Variants in HADHA observed in about 807,000 individuals in gnomAD.
HADHA encodes hydroxyacyl-CoA dehydrogenase trifunctional multienzyme complex subunit alpha, also known as trifunctional enzyme subunit alpha, mitochondrial.
In HADHA, 59 loss-of-function variants were observed where a neutral mutation model predicts 91.3. The ratio of observed to expected loss-of-function variants is 0.65; its 90% CI spans 0.52 to 0.80. The LOEUF is 0.80. Ranked by LOEUF, HADHA falls within the 30% of genes least tolerant of loss-of-function variation. The pLI is 0.00. For synonymous variants in HADHA, 320 were observed against 338.9 expected (o/e 0.94, Z 0.61); for missense variants, 800 against 927.6 (o/e 0.86, Z 1.79).
intron 12 of HADHA, among the ~76,000 whole-genome samples, chr2:26,201,801 T>C (rs543597084): frequency 6.6e-6 from 1 of 151,400 alleles, no homozygotes; most frequent in Non-Finnish European, 1.5e-5. Flanking sequence ...TTTTTTTTTT[T>C]ATTTATTTTT....
chr2:26,196,662 G>GT (rs1465519644), intron 14 of HADHA, among the ~76,000 whole-genome samples: 1 of 152,134 alleles, frequency 6.6e-6, no homozygotes, highest in Non-Finnish European at 1.5e-5. Flanking sequence ...ACTTTTAAAT[G>GT]AATGACAAAA....
intron 3 of HADHA, among the ~76,000 whole-genome samples, chr2:26,238,425 C>T (rs1208802518): frequency 1.3e-5 from 2 of 152,146 alleles, no homozygotes; most frequent in African/African-American, 4.8e-5. Flanking sequence ...ATTGAAGCTG[C>T]CAAAAACAAA....
At chr2:26,201,433 C>G in intron 12 of HADHA, 113 bp from the exon 13 acceptor site, 2 of 712,758 alleles carry the variant, frequency 2.8e-6, no homozygotes, top group Non-Finnish European at 4.9e-6. Context: ...GGTAGTTATT[C>G]TATTACTCCC....
At chr2:26,193,794 GA>G (rs772853038) in intron 16 of HADHA, 22 bp from the exon 17 acceptor site, 1 of 1,602,400 alleles carries the variant, frequency 6.2e-7, no homozygotes, top group Non-Finnish European at 8.6e-7. Context: ...GCGATGCAGG[GA>G]CCTCAGGGGA....
intron 17 of HADHA, among the ~76,000 whole-genome samples, chr2:26,192,883 G>A (rs2147751142): frequency 6.6e-6 from 1 of 152,348 alleles, no homozygotes; most frequent in East Asian, 1.9e-4. Context: ...AGAGTGGGCA[G>A]AGAAGGAAAG....
rs886055863 is a variant in HADHA, at chr2:26,230,186, A to G, written c.676+6T>C. ...AGGTCTGACTCTGAGATGTGCTAAC[A>G]CTTACCCAGGGGTTCCACCAGTTGG... On this transcript the variant is annotated splice_donor_region_variant and intron_variant, in intron 7 of 19. Coordinates refer to ENST00000380649, the MANE Select transcript of HADHA (RefSeq NM_000182.5). 1 of 1,549,576 alleles carries G rather than the reference A, an allele frequency of 6.5e-7. No homozygotes were observed. Among genetic ancestry groups the G allele is most frequent in the Non-Finnish European group, 8.9e-7 (1 of 1,121,168 alleles).
intron 13 of HADHA, among the ~76,000 whole-genome samples, chr2:26,198,429 G>C (rs1371226788): frequency 1.3e-5 from 2 of 150,060 alleles, no homozygotes; most frequent in African/African-American, 4.9e-5. Context: ...AGGCTGGAGT[G>C]TAGTGGTGCA....
chr2:26,193,856 G>A, intron 16 of HADHA, 84 bp from the exon 17 acceptor site: 1 of 1,082,900 alleles, frequency 9.2e-7, no homozygotes, highest in Middle Eastern at 2.0e-4. Context: ...TCCAAACACT[G>A]CCTTGTGTAA....
chr2:26,236,488 G>A (rs1429429230), intron 4 of HADHA, among the ~76,000 whole-genome samples: 2 of 148,698 alleles, frequency 1.3e-5, no homozygotes, highest in South Asian at 2.1e-4. Context: ...GTGTGATCTC[G>A]GCTCACTGCA....
At position 26,242,175 on chromosome 2, in the gene HADHA, C is replaced by A. The variant is rs181323934; in HGVS notation, c.67+2355G>T. On this transcript the variant is annotated intron_variant, in intron 1 of 19. Coordinates refer to ENST00000380649, the MANE Select transcript of HADHA (RefSeq NM_000182.5). Reference sequence around the variant, plus strand: ...AATATACTGGGATTATAGGCATGAGCCACCGTGCCTGGCCCCTTTCAAGAG... The same window carrying A: ...AATATACTGGGATTATAGGCATGAGACACCGTGCCTGGCCCCTTTCAAGAG... 4.8e-3 allele frequency among the ~76,000 whole-genome samples: 729 copies of A among 152,266 alleles called. 3 individuals are homozygous for A. Among genetic ancestry groups the A allele is most frequent in the African/African-American group, 0.017 (709 of 41,548 alleles).
chr2:26,237,021 T>G (rs1479627814), intron 3 of HADHA, 33 bp from the exon 4 acceptor site: 28 of 1,554,684 alleles, frequency 1.8e-5, no homozygotes, highest in Non-Finnish European at 2.1e-5. Context: ...GGTAAGGGTT[T>G]AAATTTGAAG....
chr2:26,234,391 G>A (rs1250545341), intron 4 of HADHA, 36 bp from the exon 5 acceptor site: 3 of 1,585,088 alleles, frequency 1.9e-6, no homozygotes, highest in African/African-American at 2.7e-5. Flanking sequence ...CAGAGAAAAA[G>A]ATAAAACTAT....
At position 26,236,972 on chromosome 2, in the gene HADHA, T is replaced by C. The variant is rs1363492350; in HGVS notation, c.197A>G (p.Lys66Arg). Residue 66 changes from lysine (K) to arginine (R), a missense_variant, in exon 4 of 20, where the codon AAA (lysine) becomes AGA (arginine). Transcript: ENST00000380649. ...SPNSKVNTLSKELHSEFSEVM... is the reference protein window; with the variant it reads ...SPNSKVNTLSRELHSEFSEVM... The stretch of plus-strand genomic sequence containing the variant: ...TTCTGAGAACTCTGAATGTAGCTCT[T>C]TACTCAGTGTATTTACCTGCCAAAG... The C allele has an allele frequency of 1.2e-6, 2 of 1,609,906 alleles. No individual in the cohort carries two copies. The highest frequency in any genetic ancestry group is 1.7e-6 in the Non-Finnish European group (2 of 1,176,226).
At chr2:26,233,352 T>C (rs930134870) in intron 5 of HADHA, among the ~76,000 whole-genome samples, 5 of 152,246 alleles carry the variant, frequency 3.3e-5, no homozygotes, top group African/African-American at 7.2e-5. Flanking sequence ...TACAGTCTTA[T>C]AGAACCACTG....
chr2:26,239,136 T>C lies in HADHA; in HGVS notation c.75A>G (p.Ile25Met), dbSNP rs190237599. ...AFRILRSRGYICRNFTGSSAL... is the reference protein window; with the variant it reads ...AFRILRSRGYMCRNFTGSSAL... ...CAGAAGACCCTGTAAAATTGCGGCATATATAACCTGTAAGAAAAGACATTT... is the reference window on the plus strand; with the variant it reads ...CAGAAGACCCTGTAAAATTGCGGCACATATAACCTGTAAGAAAAGACATTT... The change falls in exon 2 of 20, where the codon ATA becomes ATG. Residue 25 changes from isoleucine to methionine, a missense_variant. Coordinates refer to ENST00000380649, the MANE Select transcript of HADHA (RefSeq NM_000182.5). 4.4e-6 allele frequency: 7 copies of C among 1,602,568 alleles called. No homozygotes were observed. The Admixed American group carries it at 1.2e-4, about 27-fold the overall frequency.
Position 26,229,939 on chromosome 2 carries a change from T to C in HADHA, c.676+253A>G, listed in dbSNP as rs1021546876. ...CCCCGCCAGGTTCAAGCGATCCTCC[T>C]GCCTCAGCCTCCCAAGTAGCTGGAA... On this transcript the variant is annotated intron_variant, in intron 7 of 19. Coordinates refer to ENST00000380649, the MANE Select transcript of HADHA (RefSeq NM_000182.5). The surrounding 1 kb of genome is among the most constrained non-coding windows in gnomAD (Gnocchi z 4.3). Among the ~76,000 whole-genome samples, 1 of 152,178 alleles carries C rather than the reference T, an allele frequency of 6.6e-6. No homozygotes were observed. Among genetic ancestry groups the C allele is most frequent in the Non-Finnish European group, 1.5e-5 (1 of 68,020 alleles).
At chr2:26,230,367 C>G (rs1163477953) in intron 6 of HADHA, 73 bp from the exon 7 acceptor site, 1 of 880,370 alleles carries the variant, frequency 1.1e-6, no homozygotes. Context: ...TACAAATCAT[C>G]AAATGAACAA....
At chr2:26,226,103 AG>A in intron 7 of HADHA, among the ~76,000 whole-genome samples, 1 of 152,352 alleles carries the variant, frequency 6.6e-6, no homozygotes, top group African/African-American at 2.4e-5. Context: ...TGAAATACCT[AG>A]GCATAAATTT....
At position 26,191,252 on chromosome 2, in the gene HADHA, A is replaced by G. The variant is rs1802579; in HGVS notation, c.2290T>C (p.Ter764ArgextTer31). ...ACTGAGCGAGGCATGAGGCCTGCTCACTGGTAGAACTTCTTGTTAGGGCTG... is the reference window on the plus strand; with the variant it reads ...ACTGAGCGAGGCATGAGGCCTGCTCGCTGGTAGAACTTCTTGTTAGGGCTG... ...ANSPNKKFYQ[*>R] The change falls in exon 20 of 20, where the codon TGA becomes CGA. Residue 764 changes from the stop codon to arginine, a stop_lost. Coordinates refer to ENST00000380649, the MANE Select transcript of HADHA (RefSeq NM_000182.5). 1 of 1,612,432 alleles carries G rather than the reference A, an allele frequency of 6.2e-7. No individual in the cohort carries two copies. The highest frequency in any genetic ancestry group is 8.5e-7 in the Non-Finnish European group (1 of 1,179,990).
Sources: allele counts gnomAD v4.1 joint callset (sites outside exome capture counted in the v4.1 genomes callset), GRCh38; gene constraint gnomAD v4.1.1; non-coding constraint Gnocchi (gnomAD v3.1); transcripts MANE v1.5; gene names NCBI Gene and HGNC (gene_info 2026-07-23, HGNC 2026-07-21).